The following SUPT6H variants were observed in gnomAD, a reference collection of about 807,000 sequenced individuals.
SUPT6H encodes the protein transcription elongation factor SPT6.
A neutral mutation model predicts 222.3 loss-of-function variants in SUPT6H; 11 were observed. That is an observed-to-expected ratio of 0.05 (90% CI 0.03 to 0.08). The LOEUF (loss-of-function observed/expected upper bound fraction) is 0.08. Among genes scored for constraint, SUPT6H ranks in the 10% least tolerant of loss-of-function variants. SUPT6H has a pLI of 1.00. For synonymous variants in SUPT6H, 762 were observed against 801.2 expected, an observed-to-expected ratio of 0.95 and a Z score of 0.83; for missense variants, 1,422 against 2,216.0, an observed-to-expected ratio of 0.64 and a Z score of 7.19.
At chr17:28,691,778 A>C (rs1232716513) in intron 27 of SUPT6H, 1 of 151,452 alleles carries the variant, frequency 6.6e-6, no homozygotes, top group Non-Finnish European at 1.5e-5. Flanking sequence ...TGAACCCAGG[A>C]GATGGAGCTT....
At chr17:28,700,908 C>G (rs777349577) in intron 35 of SUPT6H, 33 bp from the exon 36 acceptor site, 1 of 1,583,642 alleles carries the variant, frequency 6.3e-7, no homozygotes, top group East Asian at 2.3e-5. Flanking sequence ...AAGCCCCACA[C>G]CCATCCCTAT....
chr17:28,701,657 G>A lies in SUPT6H; in HGVS notation c.*32G>A. On this transcript the variant is annotated 3_prime_UTR_variant, in exon 37 of 37. Coordinates refer to ENST00000314616, the MANE Select transcript of SUPT6H (RefSeq NM_003170.5). ...TGCTCCTCGGACTCTGGTTACCTCTGAGGCTGGGAAAGGCCTGGCTGCCCA... is the reference window on the plus strand; with the variant it reads ...TGCTCCTCGGACTCTGGTTACCTCTAAGGCTGGGAAAGGCCTGGCTGCCCA... 2 of 1,574,962 alleles carry A rather than the reference G, an allele frequency of 1.3e-6. No homozygotes were observed. Among genetic ancestry groups the A allele is most frequent in the Non-Finnish European group, 1.7e-6 (2 of 1,156,358 alleles).
rs766803952 is a variant in SUPT6H, at chr17:28,675,146, AGAT to A, written c.528_530del (p.Asp176del). ...TGGCTCCTCCAGAGGAGGAGGAAGA[AGAT>A]GATGAGGAGTCAGGTATGTTATATT... On this transcript the variant is annotated inframe_deletion, in exon 5 of 37. Coordinates refer to ENST00000314616, the MANE Select transcript of SUPT6H (RefSeq NM_003170.5). 4.3e-6 allele frequency: 7 copies of A among 1,610,884 alleles called. No individual in the cohort carries two copies. The African/African-American group carries it at 8.1e-5, about 19-fold the overall frequency.
chr17:28,698,035 G>A lies in SUPT6H; in HGVS notation c.4448+5G>A. The A allele has an allele frequency of 6.2e-7, 1 of 1,606,722 alleles. No homozygotes were observed. ...CCAGCCCCGGGGTAAACCCAGGTGA[G>A]CACTAGTGCTGAGAAGGTGCTGCCA... is the stretch of plus-strand genomic sequence containing the variant. On this transcript the variant is annotated splice_donor_5th_base_variant and intron_variant, in intron 32 of 36. Coordinates refer to ENST00000314616, the MANE Select transcript of SUPT6H (RefSeq NM_003170.5).
rs1436362480 is a variant in SUPT6H, at chr17:28,676,160, C to T, written c.627C>T (p.Ala209=). The T allele has an allele frequency of 1.3e-6, 2 of 1,587,802 alleles. No homozygotes were observed. The highest frequency in any genetic ancestry group is 1.7e-6 in the Non-Finnish European group (2 of 1,167,390). Residue 209 remains alanine, a synonymous_variant, in exon 7 of 37, where the codon GCC becomes GCT. Transcript: ENST00000314616. ...RKKLPGYTDA[A]LQEAQEIFGV... is the part of the protein sequence containing the mutation. Reference sequence around the variant, plus strand: ...TGCCTCTTGCTGCCACCTACAGGGCCCTGCAAGAAGCCCAGGAAATCTTCG... The same window carrying T: ...TGCCTCTTGCTGCCACCTACAGGGCTCTGCAAGAAGCCCAGGAAATCTTCG...
intron 11 of SUPT6H, among the ~76,000 whole-genome samples, chr17:28,680,333 C>T (rs1454557035): frequency 1.3e-5 from 2 of 149,986 alleles, no homozygotes; most frequent in Non-Finnish European, 3.0e-5. Context: ...CGTGGTGGCT[C>T]ACACCTGTAA....
At chr17:28,680,241 G>A (rs2031021418) in intron 11 of SUPT6H, among the ~76,000 whole-genome samples, 1 of 152,082 alleles carries the variant, frequency 6.6e-6, no homozygotes, top group Admixed American at 6.6e-5. Context: ...GGGAGGTGGA[G>A]GTTGCAATGA....
intron 20 of SUPT6H, 81 bp downstream of exon 20, chr17:28,686,496 A>G (rs2031386714): frequency 6.4e-7 from 1 of 1,551,460 alleles, no homozygotes; most frequent in African/African-American, 1.4e-5. Context: ...TATGCCCATA[A>G]CAGATGGGGC....
chr17:28,675,588 G>A (rs1453945273), intron 6 of SUPT6H, 103 bp downstream of exon 6: 1 of 1,255,118 alleles, frequency 8.0e-7, no homozygotes, highest in Non-Finnish European at 1.1e-6. Context: ...TTCCCAGCTT[G>A]CAGCCATTTT....
intron 27 of SUPT6H, chr17:28,691,354 C>T (rs905697334): frequency 1.6e-5 from 5 of 313,124 alleles, no homozygotes; most frequent in African/African-American, 4.2e-5. Flanking sequence ...GGTGAACCCC[C>T]GTCTCTACTA....
intron 1 of SUPT6H, among the ~76,000 whole-genome samples, chr17:28,670,611 C>T (rs572415954): frequency 6.6e-6 from 1 of 152,256 alleles, no homozygotes; most frequent in South Asian, 2.1e-4. Flanking sequence ...TCCGGCCAGG[C>T]GCGGTGGCTC....
chr17:28,680,482 C>T (rs1226601987), intron 11 of SUPT6H, among the ~76,000 whole-genome samples: 1 of 151,760 alleles, frequency 6.6e-6, no homozygotes, highest in Admixed American at 6.6e-5. Context: ...CCTGTGATCC[C>T]AGCTCGCGAG....
intron 4 of SUPT6H, 109 bp from the exon 5 acceptor site, chr17:28,674,861 C>A: frequency 1.5e-6 from 2 of 1,326,590 alleles, no homozygotes; most frequent in Non-Finnish European, 2.1e-6. Flanking sequence ...TCTTTCCCAT[C>A]TCTCTTGGTC....
At position 28,682,232 on chromosome 17, in the gene SUPT6H, G is replaced by C. The variant is rs564596477; in HGVS notation, c.1597+252G>C. On this transcript the variant is annotated intron_variant, in intron 13 of 36. Coordinates refer to ENST00000314616, the MANE Select transcript of SUPT6H (RefSeq NM_003170.5). ...TGATTGGAGGGAGAGAGTCCAGTCT[G>C]TCTGTTTCTTCTGCCTTATAACAGC... 3.3e-4 allele frequency: 144 copies of C among 433,918 alleles called. 1 individual carries two copies. Among genetic ancestry groups the C allele is most frequent in the Admixed American group, 5.0e-4 (14 of 27,810 alleles). The allele number at this position is 433,918 out of a possible 1,614,324, so 26.9% of individuals were successfully genotyped here. A position where few individuals can be genotyped will look rare whatever the true frequency, so the allele number is the denominator to read the frequency against.
chr17:28,679,022 G>A, intron 11 of SUPT6H, 59 bp downstream of exon 11: 3 of 1,606,590 alleles, frequency 1.9e-6, no homozygotes, highest in Admixed American at 1.7e-5. Context: ...GGCTGGCCCT[G>A]CAGGAGCACT....
At chr17:28,665,338 CCTT>C (rs2029949578) in intron 1 of SUPT6H, among the ~76,000 whole-genome samples, 1 of 152,226 alleles carries the variant, frequency 6.6e-6, no homozygotes, top group African/African-American at 2.4e-5. Flanking sequence ...ATATGCATTT[CCTT>C]CTTCGCTTTT....
At chr17:28,682,631 A>C in intron 13 of SUPT6H, 96 bp from the exon 14 acceptor site, 1 of 1,513,098 alleles carries the variant, frequency 6.6e-7, no homozygotes, top group Non-Finnish European at 9.0e-7. Context: ...GAAAATAAAA[A>C]AGGCTAGTTC....
intron 11 of SUPT6H, 137 bp downstream of exon 11, chr17:28,679,100 A>C (rs1255246024): frequency 2.6e-6 from 3 of 1,151,848 alleles, no homozygotes; most frequent in East Asian, 5.1e-5. Context: ...AACCAGGCAC[A>C]GTGGCTCATG....
intron 29 of SUPT6H, among the ~76,000 whole-genome samples, chr17:28,696,496 G>A (rs1018918564): frequency 1.5e-4 from 22 of 149,626 alleles, no homozygotes; most frequent in Non-Finnish European, 2.8e-4. Context: ...ACTGAGGCAG[G>A]AGAATTGCTT....
Sources: allele counts gnomAD v4.1 joint callset (sites outside exome capture counted in the v4.1 genomes callset), GRCh38; gene constraint gnomAD v4.1.1; transcripts MANE v1.5; gene names NCBI Gene and HGNC (gene_info 2026-07-23, HGNC 2026-07-21).